PRORP: variants seen among roughly 807,000 people sequenced by gnomAD.
The protein encoded by PRORP is mitochondrial ribonuclease P catalytic subunit.
Under a neutral mutation model 59.4 loss-of-function variants are expected in PRORP, and 51 were observed. That is an observed-to-expected ratio of 0.86 (90% CI 0.69 to 1.08). The LOEUF is 1.08. Among genes scored for constraint, PRORP ranks in the 50% least tolerant of loss-of-function variants. The pLI is 0.00. For missense variants in PRORP, 646 were observed against 690.3 expected, an observed-to-expected ratio of 0.94 and a Z score of 0.72; for synonymous variants, 231 against 245.6, an observed-to-expected ratio of 0.94 and a Z score of 0.55.
At chr14:35,131,494 A>G (rs906201012) in intron 4 of PRORP, among the ~76,000 whole-genome samples, 1 of 148,664 alleles carries the variant, frequency 6.7e-6, no homozygotes, top group African/African-American at 2.5e-5. Flanking sequence ...TTTTAGCTCC[A>G]TTGTATGTTA....
At chr14:35,209,811 C>T (rs1005016343) in intron 5 of PRORP, among the ~76,000 whole-genome samples, 1 of 152,200 alleles carries the variant, frequency 6.6e-6, no homozygotes, top group African/African-American at 2.4e-5. Context: ...GCTGGGATTA[C>T]AGGCGTGAGC....
chr14:35,169,870 C>T (rs2048273355), intron 4 of PRORP, among the ~76,000 whole-genome samples: 1 of 152,178 alleles, frequency 6.6e-6, no homozygotes, highest in East Asian at 1.9e-4. Flanking sequence ...TCTTCGAAGT[C>T]CTCACTGATT....
intron 5 of PRORP, among the ~76,000 whole-genome samples, chr14:35,254,114 T>C (rs1445850107): frequency 6.6e-6 from 1 of 151,648 alleles, no homozygotes; most frequent in African/African-American, 2.4e-5. Context: ...GGTACCATCA[T>C]CTATCCAGCT....
intron 4 of PRORP, among the ~76,000 whole-genome samples, chr14:35,131,472 C>G (rs1340482168): frequency 3.9e-5 from 6 of 151,922 alleles, no homozygotes; most frequent in Admixed American, 6.6e-5. Flanking sequence ...GAAAAGTCTG[C>G]TGCCAGATGT....
At chr14:35,253,838 G>C (rs1321225083) in intron 5 of PRORP, among the ~76,000 whole-genome samples, 3 of 151,878 alleles carry the variant, frequency 2.0e-5, no homozygotes, top group African/African-American at 7.3e-5. Context: ...TCTGTTATAA[G>C]CTTTTCTTAG....
chr14:35,273,527 A>G lies in PRORP; in HGVS notation c.1713A>G (p.Glu571=). 1 of 1,613,902 alleles carries G rather than the reference A, an allele frequency of 6.2e-7. No homozygotes were observed. Among genetic ancestry groups the G allele is most frequent in the Non-Finnish European group, 8.5e-7 (1 of 1,179,874 alleles). The change falls in exon 8 of 8, where the codon GAA becomes GAG. Residue 571 remains glutamate (E), a synonymous_variant. Transcript: ENST00000534898. ...DEDLVERCSC[E]VPTKWLCLHQ... Reference sequence around the variant, plus strand: ...ACTTGGTAGAAAGATGTTCCTGTGAAGTACCAACCAAATGGCTTTGCCTCC... The same window carrying G: ...ACTTGGTAGAAAGATGTTCCTGTGAGGTACCAACCAAATGGCTTTGCCTCC...
At chr14:35,200,202 T>G (rs962847892) in intron 5 of PRORP, among the ~76,000 whole-genome samples, 4 of 151,090 alleles carry the variant, frequency 2.6e-5, no homozygotes, top group East Asian at 1.9e-4. Context: ...TTGTTTGTTT[T>G]TTTCTTTTGA....
At chr14:35,210,750 CT>C (rs71435870) in intron 5 of PRORP, among the ~76,000 whole-genome samples, 42 of 34,080 alleles carry the variant, frequency 1.2e-3, no homozygotes, top group Non-Finnish European at 1.6e-3. Context: ...TTTCTTTTGC[CT>C]TTTTTTTTTT....
At chr14:35,215,787 G>C (rs576210945) in intron 5 of PRORP, among the ~76,000 whole-genome samples, 1 of 151,138 alleles carries the variant, frequency 6.6e-6, no homozygotes, top group East Asian at 1.9e-4. Flanking sequence ...TTCTTGGGGG[G>C]ACAGGGTCTC....
At chr14:35,196,518 C>G (rs1241137842) in intron 5 of PRORP, among the ~76,000 whole-genome samples, 1 of 152,074 alleles carries the variant, frequency 6.6e-6, no homozygotes, top group African/African-American at 2.4e-5. Flanking sequence ...ATTTTCATCA[C>G]ATGGGGAAAA....
intron 5 of PRORP, among the ~76,000 whole-genome samples, chr14:35,200,542 T>C (rs967221619): frequency 2.0e-5 from 3 of 152,126 alleles, no homozygotes; most frequent in African/African-American, 7.2e-5. Context: ...AGCATCTCCA[T>C]TTCTTATATC....
chr14:35,209,285 A>G (rs2049377170), intron 5 of PRORP, among the ~76,000 whole-genome samples: 1 of 152,198 alleles, frequency 6.6e-6, no homozygotes, highest in African/African-American at 2.4e-5. Flanking sequence ...GAGCTCAATG[A>G]TAGTAATATG....
At chr14:35,192,564 AC>A (rs2048910049) in intron 5 of PRORP, among the ~76,000 whole-genome samples, 1 of 152,244 alleles carries the variant, frequency 6.6e-6, no homozygotes, top group Admixed American at 6.5e-5. Flanking sequence ...CATGACTCAT[AC>A]TTTACACATA....
intron 4 of PRORP, among the ~76,000 whole-genome samples, chr14:35,149,923 C>T (rs939550720): frequency 2.0e-5 from 3 of 152,262 alleles, no homozygotes; most frequent in African/African-American, 7.2e-5. Context: ...AATCTCAGTT[C>T]ACTGCAACCT....
chr14:35,230,938 AACACACACACAC>A (rs60270535), intron 5 of PRORP, among the ~76,000 whole-genome samples: 16,184 of 144,508 alleles, frequency 0.11, 1,020 homozygotes, highest in African/African-American at 0.18. Context: ...AGGAAAAGAG[AACACACACACAC>A]ACACACACAC....
chr14:35,197,648 G>T (rs1009149925), intron 5 of PRORP, among the ~76,000 whole-genome samples: 1 of 152,012 alleles, frequency 6.6e-6, no homozygotes, highest in Non-Finnish European at 1.5e-5. Flanking sequence ...TTTTTTTCTA[G>T]ATAGTATTAG....
intron 5 of PRORP, among the ~76,000 whole-genome samples, chr14:35,254,704 T>G (rs1023422162): frequency 2.6e-5 from 4 of 152,196 alleles, no homozygotes; most frequent in Non-Finnish European, 1.5e-5. Flanking sequence ...CTCTCCTGTT[T>G]TAAATCCTTT....
chr14:35,206,625 G>GTCTTCT (rs2049301257), intron 5 of PRORP, among the ~76,000 whole-genome samples: 1 of 152,134 alleles, frequency 6.6e-6, no homozygotes, highest in Non-Finnish European at 1.5e-5. Flanking sequence ...TCTACCATAA[G>GTCTTCT]TCTATAGACT....
In PRORP at chr14:35,177,221, C is replaced by T. The variant is rs1426247423; in HGVS notation, c.1168-3449C>T. Among the ~76,000 whole-genome samples the T allele has an allele frequency of 2.0e-5, 3 of 152,202 alleles. 1 individual carries two copies. Among genetic ancestry groups the T allele is most frequent in the Non-Finnish European group, 4.4e-5 (3 of 68,022 alleles). On this transcript the variant is annotated intron_variant, in intron 4 of 7. Coordinates refer to ENST00000534898, the MANE Select transcript of PRORP (RefSeq NM_014672.4). The stretch of plus-strand genomic sequence containing the variant: ...AAATTTCTCTTTTTTTGTTGTGTCT[C>T]TGCCAGACTTTGGTATCAGGATGAT...
Sources: gnomAD v4.1 joint callset for allele counts (sites outside exome capture counted in the v4.1 genomes callset) on GRCh38, gnomAD v4.1.1 for gene constraint, MANE v1.5 for transcripts, NCBI Gene and HGNC (gene_info 2026-07-23, HGNC 2026-07-21) for gene names.